Variants in KCNN2 observed in about 807,000 individuals in gnomAD.
The protein encoded by KCNN2 is small conductance calcium-activated potassium channel protein 2.
In KCNN2, 24 loss-of-function variants were observed where a neutral mutation model predicts 55.5. That is an observed-to-expected ratio of 0.43 (90% CI 0.31 to 0.61). The LOEUF (loss-of-function observed/expected upper bound fraction) is 0.61. Ranked by LOEUF, KCNN2 falls within the 20% of genes least tolerant of loss-of-function variation. The pLI, the probability that KCNN2 is intolerant of heterozygous loss-of-function variation, is 0.08. For missense variants in KCNN2, 754 were observed against 853.6 expected, an observed-to-expected ratio of 0.88 and a Z score of 1.45; for synonymous variants, 431 against 336.1, an observed-to-expected ratio of 1.28 and a Z score of -3.09.
At chr5:114,376,488 A>G (rs769881663) in intron 2 of KCNN2, among the ~76,000 whole-genome samples, 2 of 152,228 alleles carry the variant, frequency 1.3e-5, no homozygotes, top group Non-Finnish European at 2.9e-5. Flanking sequence ...ACATGCTGCC[A>G]TATGGGAACA....
rs753439620 is a variant in KCNN2, at chr5:114,496,093, G to T, written c.2287G>T (p.Val763Phe). ...TCAGATGGAGAGCTACGACAAGCAC[G>T]TCACTTACAATGCTGAGCGGTCCCG... ...EAQMESYDKH[V>F]TYNAERSRSS... is the part of the protein sequence containing the mutation. Residue 763 changes from valine (V) to phenylalanine (F), a missense_variant, in exon 8 of 8, where the codon GTC becomes TTC. Physicochemically the swap from Val to Phe is conservative, Grantham distance 50. Coordinates refer to ENST00000673685, the MANE Select transcript of KCNN2 (RefSeq NM_021614.4). 1 of 1,614,018 alleles carries T rather than the reference G, an allele frequency of 6.2e-7. No homozygotes were observed. Among genetic ancestry groups the T allele is most frequent in the Non-Finnish European group, 8.5e-7 (1 of 1,179,970 alleles).
At chr5:114,393,607 A>G (rs1161616192) in intron 2 of KCNN2, among the ~76,000 whole-genome samples, 1 of 152,060 alleles carries the variant, frequency 6.6e-6, no homozygotes, top group Non-Finnish European at 1.5e-5. Flanking sequence ...AATATTATAT[A>G]ATTAAAAGTC....
intron 1 of KCNN2, among the ~76,000 whole-genome samples, chr5:114,170,314 T>A (rs1269753032): frequency 6.6e-6 from 1 of 152,120 alleles, no homozygotes; most frequent in African/African-American, 2.4e-5. Flanking sequence ...TTTTTAAGGA[T>A]TTGCTAAGAA....
chr5:114,098,874 G>C (rs764447683), intron 1 of KCNN2, among the ~76,000 whole-genome samples: 35 of 152,066 alleles, frequency 2.3e-4, no homozygotes, highest in Admixed American at 4.6e-4. Flanking sequence ...GGTGAATCTA[G>C]GGCTTTGGCT....
intron 2 of KCNN2, among the ~76,000 whole-genome samples, chr5:114,260,569 G>A (rs531225738): frequency 6.6e-6 from 1 of 152,002 alleles, no homozygotes; most frequent in African/African-American, 2.4e-5. Context: ...CGAATATCTT[G>A]TCCCTGCTGT....
intron 1 of KCNN2, among the ~76,000 whole-genome samples, chr5:114,118,739 C>T (rs1751769823): frequency 6.6e-6 from 1 of 152,120 alleles, no homozygotes; most frequent in Non-Finnish European, 1.5e-5. Flanking sequence ...GTCAGGTTGA[C>T]ACATAAAGTT....
chr5:114,081,789 G>A (rs1215149079), intron 1 of KCNN2, among the ~76,000 whole-genome samples: 1 of 152,156 alleles, frequency 6.6e-6, no homozygotes, highest in Non-Finnish European at 1.5e-5. Context: ...AACATTTTAA[G>A]TTTGTGCTTC....
chr5:114,245,947 G>T (rs1455496407), intron 2 of KCNN2, among the ~76,000 whole-genome samples: 1 of 152,128 alleles, frequency 6.6e-6, no homozygotes, highest in Non-Finnish European at 1.5e-5. Context: ...CACACAGAAG[G>T]CCAGATATAT....
At chr5:114,364,815 T>C (rs979487718) in intron 2 of KCNN2, among the ~76,000 whole-genome samples, 4 of 152,022 alleles carry the variant, frequency 2.6e-5, no homozygotes, top group African/African-American at 9.7e-5. Context: ...TTTTTCAGCT[T>C]AGAATTTGCA....
chr5:114,219,132 A>G (rs1754074599), intron 1 of KCNN2, among the ~76,000 whole-genome samples: 3 of 152,246 alleles, frequency 2.0e-5, no homozygotes, highest in Admixed American at 1.3e-4. Flanking sequence ...CAGGCCCTGC[A>G]GCAGCATCCA....
At chr5:114,287,629 A>C (rs1755782033) in intron 2 of KCNN2, among the ~76,000 whole-genome samples, 1 of 152,024 alleles carries the variant, frequency 6.6e-6, no homozygotes, top group Non-Finnish European at 1.5e-5. Context: ...GGATAGCATT[A>C]GGACAAATAC....
chr5:114,227,356 T>A (rs116787491), intron 2 of KCNN2, among the ~76,000 whole-genome samples: 4,542 of 152,290 alleles, frequency 0.03, 231 homozygotes, highest in African/African-American at 0.1. Context: ...TTCAAATTCC[T>A]TTTTATTCAT....
At chr5:114,407,721 A>C (rs1758981825) in intron 3 of KCNN2, among the ~76,000 whole-genome samples, 1 of 152,214 alleles carries the variant, frequency 6.6e-6, no homozygotes, top group African/African-American at 2.4e-5. Context: ...CTCTTCTGCC[A>C]TGAAAGCAGA....
chr5:114,191,350 T>A (rs1460981000), intron 1 of KCNN2, among the ~76,000 whole-genome samples: 1 of 152,118 alleles, frequency 6.6e-6, no homozygotes, highest in Admixed American at 6.6e-5. Flanking sequence ...CTGCCTGCAA[T>A]AACTGAAGAA....
intron 1 of KCNN2, among the ~76,000 whole-genome samples, chr5:114,187,817 CTTTTTTTTTTT>C (rs1289521116): frequency 7.6e-6 from 1 of 131,278 alleles, no homozygotes. Context: ...CCTTTTTTTT[CTTTTTTTTTTT>C]TTTTGAGATG....
intron 2 of KCNN2, among the ~76,000 whole-genome samples, chr5:114,324,825 G>T (rs1388500506): frequency 1.3e-5 from 2 of 152,184 alleles, no homozygotes; most frequent in African/African-American, 4.8e-5. Flanking sequence ...AGCCTAGATT[G>T]CCTTTCACAG....
chr5:114,266,419 A>G (rs1043236784), intron 2 of KCNN2, among the ~76,000 whole-genome samples: 2 of 152,168 alleles, frequency 1.3e-5, no homozygotes, highest in South Asian at 2.1e-4. Flanking sequence ...TAACACCAGG[A>G]AAGTCTGAGT....
chr5:114,293,674 G>T (rs193024100), intron 2 of KCNN2, among the ~76,000 whole-genome samples: 2 of 152,168 alleles, frequency 1.3e-5, no homozygotes, highest in South Asian at 4.2e-4. Context: ...GTGTCTCTGC[G>T]AGGCTTTGGT....
intron 2 of KCNN2, among the ~76,000 whole-genome samples, chr5:114,272,447 C>CGT (rs1755370015): frequency 1.5e-5 from 2 of 137,360 alleles, no homozygotes; most frequent in South Asian, 2.2e-4. Context: ...CATATACACA[C>CGT]ATATGTATGT....
Sources: allele counts gnomAD v4.1 joint callset (sites outside exome capture counted in the v4.1 genomes callset), GRCh38; gene constraint gnomAD v4.1.1; transcripts MANE v1.5; gene names NCBI Gene and HGNC (gene_info 2026-07-23, HGNC 2026-07-21).